Variants in PRH1 observed in about 807,000 individuals in gnomAD.
The protein encoded by PRH1 is proline rich protein HaeIII subfamily 1.
PRH1 carries 7 observed loss-of-function variants against 7.9 expected under a neutral mutation model. The observed-to-expected ratio is 0.89, with a 90% CI of 0.50 to 1.67. PRH1 has a LOEUF of 1.67. PRH1 is among the 40% of genes most tolerant of loss of function. The probability of loss-of-function intolerance (pLI) is 0.00; values close to 1 mark genes in which losing one functional copy is unlikely to be tolerated. For synonymous variants in PRH1, 45 were observed against 80.8 expected, an observed-to-expected ratio of 0.56 and a Z score of 2.38; for missense variants, 109 against 223.6, an observed-to-expected ratio of 0.49 and a Z score of 3.27.
At chr12:11,031,238 A>T in intron 1 of PRH1, 3 of 1,471,278 alleles carry the variant, frequency 2.0e-6, no homozygotes, top group East Asian at 2.5e-5. Flanking sequence ...GACCCGCTCA[A>T]TGGAATTTAC....
rs1337622750 is a variant in PRH1, at chr12:11,096,214, G to C, written n.124-49026C>G. On this transcript the variant is annotated intron_variant and non_coding_transcript_variant, in intron 1 of 4. Transcript: ENST00000541977. ...AAGTATGTTAGTTGTTCTGATTGTA[G>C]CTTCACTGTCTGTGGCCCTCTAGCC... Among the ~76,000 whole-genome samples the C allele has an allele frequency of 2.6e-5, 3 of 115,162 alleles. 1 individual carries two copies. The highest frequency in any genetic ancestry group is 8.7e-5 in the African/African-American group (3 of 34,440). The allele number at this position is 115,162 out of a possible 152,430, so 75.6% of individuals were successfully genotyped here. A position where few individuals can be genotyped will look rare whatever the true frequency, so the allele number is the denominator to read the frequency against.
At chr12:11,057,398 C>T (rs77914777) in intron 1 of PRH1, among the ~76,000 whole-genome samples, 4 of 150,252 alleles carry the variant, frequency 2.7e-5, no homozygotes, top group East Asian at 2.0e-4. Flanking sequence ...TCTTCCTGAA[C>T]GTGTAATTGA....
chr12:11,063,848 C>T (rs1053403108), intron 1 of PRH1, among the ~76,000 whole-genome samples: 18 of 152,186 alleles, frequency 1.2e-4, no homozygotes, highest in African/African-American at 4.1e-4. Context: ...TAAGAAAGTG[C>T]TCACTTCAAC....
At position 10,962,821 on chromosome 12, in the gene PRH1, G is replaced by C. The variant is rs1475523188; in HGVS notation, c.-59+10834C>G. Among the ~76,000 whole-genome samples the C allele has an allele frequency of 2.6e-5, 4 of 152,366 alleles. No homozygotes were observed. In the East Asian group the frequency reaches 5.8e-4, roughly 22 times the overall value. ...GTCTCGCTCTGTCGCCCAGGCTGGA[G>C]TGCAGTGGCGCGATCTCGGCTCACT... On this transcript the variant is annotated intron_variant, in intron 2 of 3. Transcript: ENST00000539853.
rs1389390814 is a variant in PRH1 at position 11,093,359 on chromosome 12, T to C, written n.124-46171A>G. ...GTTGCTGCTAATACTTTCGTATAAC[T>C]TCATTATTCACAAACTCATAAATAT... On this transcript the variant is annotated intron_variant and non_coding_transcript_variant, in intron 1 of 4. Coordinates refer to the PRH1 transcript ENST00000541977. 1.7e-5 allele frequency among the ~76,000 whole-genome samples: 2 copies of C among 115,900 alleles called. 1 individual carries two copies. Among genetic ancestry groups the C allele is most frequent in the African/African-American group, 5.8e-5 (2 of 34,586 alleles). The allele number at this position is 115,900 out of a possible 152,430, so 76.0% of individuals were successfully genotyped here. A position where few individuals can be genotyped will look rare whatever the true frequency, so the allele number is the denominator to read the frequency against.
intron 2 of PRH1, among the ~76,000 whole-genome samples, chr12:10,929,844 G>C (rs1950177828): frequency 6.6e-6 from 1 of 152,222 alleles, no homozygotes; most frequent in South Asian, 2.1e-4. Flanking sequence ...CCTGCATGTA[G>C]TATTTTAATG....
intron 1 of PRH1, among the ~76,000 whole-genome samples, chr12:10,975,374 T>C: frequency 6.6e-6 from 1 of 152,154 alleles, no homozygotes; most frequent in East Asian, 1.9e-4. Context: ...AAGCAAATGC[T>C]AAGGGATTTC....
intron 1 of PRH1, among the ~76,000 whole-genome samples, chr12:11,036,145 G>A (rs1210154553): frequency 2.0e-5 from 3 of 152,146 alleles, no homozygotes; most frequent in African/African-American, 7.2e-5. Flanking sequence ...CACCCACCTC[G>A]GCCTCCCGAA....
chr12:10,966,911 C>T (rs933158767), intron 2 of PRH1, among the ~76,000 whole-genome samples: 3 of 151,978 alleles, frequency 2.0e-5, no homozygotes, highest in Non-Finnish European at 4.4e-5. Flanking sequence ...ATCAGGGGAT[C>T]GAGACCATCC....
intron 1 of PRH1, chr12:11,171,386 G>A (rs1444451649): frequency 2.4e-6 from 3 of 1,231,880 alleles, no homozygotes; most frequent in Non-Finnish European, 3.0e-6. Context: ...CGTCCTCCTT[G>A]GCCGTCAGGG....
chr12:11,020,403 TAG>T (rs1941557902), intron 1 of PRH1, among the ~76,000 whole-genome samples: 659 of 64,992 alleles, frequency 0.01, no homozygotes, highest in Middle Eastern at 0.024. Flanking sequence ...TCTATAGATA[TAG>T]ATATAGATAC....
intron 1 of PRH1, among the ~76,000 whole-genome samples, chr12:10,977,488 T>A (rs1298030824): frequency 2.0e-5 from 3 of 152,158 alleles, no homozygotes; most frequent in Non-Finnish European, 4.4e-5. Flanking sequence ...AGTATTCCCC[T>A]GGAAGATAGG....
At chr12:11,008,888 T>C (rs1228785043) in intron 1 of PRH1, among the ~76,000 whole-genome samples, 1 of 151,994 alleles carries the variant, frequency 6.6e-6, no homozygotes, top group East Asian at 1.9e-4. Context: ...TATAGAATTA[T>C]AGGGTCCTTG....
chr12:11,044,607 C>A (rs1051882610), intron 1 of PRH1, among the ~76,000 whole-genome samples: 3 of 151,950 alleles, frequency 2.0e-5, no homozygotes, highest in African/African-American at 7.2e-5. Flanking sequence ...AAAAAAAAAT[C>A]TAACAATCTG....
chr12:11,170,192 A>G (rs950511197), intron 1 of PRH1, among the ~76,000 whole-genome samples: 1 of 152,354 alleles, frequency 6.6e-6, no homozygotes, highest in Non-Finnish European at 1.5e-5. Context: ...CACCATTTAA[A>G]TAACAAAAGT....
At chr12:11,153,656 A>C (rs4763631) in intron 1 of PRH1, among the ~76,000 whole-genome samples, 148,662 of 152,168 alleles carry the variant, frequency 0.98, 72,691 homozygotes, top group Middle Eastern at 1. Context: ...TGCTGATACC[A>C]CTCTATATAT....
At chr12:10,964,946 G>A in intron 2 of PRH1, 1 of 609,860 alleles carries the variant, frequency 1.6e-6, no homozygotes, top group South Asian at 1.7e-5. Flanking sequence ...AAATAACAAA[G>A]ACCCCAATAG....
chr12:11,104,348 A>C (rs1198425704), intron 1 of PRH1, among the ~76,000 whole-genome samples: 10 of 152,096 alleles, frequency 6.6e-5, no homozygotes, highest in Non-Finnish European at 1.3e-4. Context: ...GGGTTTTATC[A>C]CCAATGTAAT....
intron 1 of PRH1, chr12:10,985,880 C>T: frequency 1.5e-6 from 2 of 1,355,558 alleles, no homozygotes; most frequent in Non-Finnish European, 1.0e-6. Flanking sequence ...GTTCCAGACA[C>T]TATCAGTTTG....
Sources: allele counts gnomAD v4.1 joint callset (sites outside exome capture counted in the v4.1 genomes callset), GRCh38; gene constraint gnomAD v4.1.1; transcripts MANE v1.5; gene names NCBI Gene and HGNC (gene_info 2026-07-23, HGNC 2026-07-21).